The following ERC2 variants were observed in gnomAD, a reference collection of about 807,000 sequenced individuals.
ERC2 encodes the protein ERC protein 2.
In ERC2, 42 loss-of-function variants were observed where a neutral mutation model predicts 114.8. The observed-to-expected ratio is 0.37, with a 90% CI of 0.29 to 0.47. ERC2 has a LOEUF of 0.47. Ranked by LOEUF, ERC2 falls within the 20% of genes least tolerant of loss-of-function variation. ERC2 has a pLI of 0.99. For missense variants in ERC2, 939 were observed against 1,150.7 expected (o/e 0.82, Z 2.66); for synonymous variants, 454 against 425.5 (o/e 1.07, Z -0.82).
rs144967380 is a variant in ERC2, at chr3:55,830,976, T to C, written c.2564+57413A>G. On this transcript the variant is annotated intron_variant, in intron 14 of 17. Transcript: ENST00000288221. ...ACTAAAATAAAACAAATAGATATAG[T>C]CAAAAGTCAATAGATAAATTAAAAT... 3.1e-4 allele frequency among the ~76,000 whole-genome samples: 47 copies of C among 151,220 alleles called. No homozygotes were observed. In the East Asian group the frequency reaches 7.4e-3, roughly 24 times the overall value.
chr3:56,104,154 T>C (rs2078517312), intron 6 of ERC2, among the ~76,000 whole-genome samples: 1 of 152,058 alleles, frequency 6.6e-6, no homozygotes, highest in Non-Finnish European at 1.5e-5. Context: ...GTCAACATCT[T>C]AGTTGTTTGT....
chr3:55,544,323 A>T (rs2054596825), intron 17 of ERC2, among the ~76,000 whole-genome samples: 1 of 152,122 alleles, frequency 6.6e-6, no homozygotes, highest in Non-Finnish European at 1.5e-5. Flanking sequence ...TGGCCCAGTG[A>T]TGGGCTACTG....
intron 2 of ERC2, among the ~76,000 whole-genome samples, chr3:56,311,818 AATGTGT>A (rs773859097): frequency 0.02 from 1,860 of 91,132 alleles, 17 homozygotes; most frequent in South Asian, 0.041. Context: ...TATACATATA[AATGTGT>A]GTGTGTGTGT....
intron 3 of ERC2, among the ~76,000 whole-genome samples, chr3:56,282,662 C>T (rs1057279439): frequency 6.7e-6 from 1 of 148,194 alleles, no homozygotes; most frequent in African/African-American, 2.5e-5. Flanking sequence ...GCTAGAAGAT[C>T]TTCCATCTAA....
intron 2 of ERC2, among the ~76,000 whole-genome samples, chr3:56,414,734 AAAAAG>A (rs1475404368): frequency 1.1e-4 from 17 of 151,776 alleles, no homozygotes; most frequent in Non-Finnish European, 1.9e-4. Flanking sequence ...CAAAAAAAAA[AAAAAG>A]AAAAGAAAAG....
rs200558529 is a variant in ERC2, at chr3:56,080,977, G to A, written c.1481C>T (p.Ala494Val). Residue 494 changes from alanine to valine, a missense_variant, in exon 7 of 18, where the codon GCG becomes GTG. Physicochemically the swap from Ala to Val is moderately conservative, Grantham distance 64. Around this residue, in one of 5 missense-constraint regions of ERC2, gnomAD observed 149 missense variants for 254.6 expected, o/e 0.59. Coordinates refer to ENST00000288221, the MANE Select transcript of ERC2 (RefSeq NM_015576.3). ...TTTTTCTTCCAGTCGTAATCTCAGC[G>A]CATCTACCTGAAATCAGGAAAAAGA... ...RAAILQTEVD[A>V]LRLRLEEKES... 7.4e-6 allele frequency: 12 copies of A among 1,611,266 alleles called. No homozygotes were observed. Among genetic ancestry groups the A allele is most frequent in the Admixed American group, 3.4e-5 (2 of 59,528 alleles).
At chr3:56,365,407 G>A (rs2059112407) in intron 2 of ERC2, among the ~76,000 whole-genome samples, 1 of 152,188 alleles carries the variant, frequency 6.6e-6, no homozygotes, top group Non-Finnish European at 1.5e-5. Flanking sequence ...TGTGTAGAAG[G>A]CTCTACCAAC....
intron 13 of ERC2, among the ~76,000 whole-genome samples, chr3:55,923,151 GAATA>G (rs1427461806): frequency 6.6e-6 from 1 of 152,014 alleles, no homozygotes; most frequent in African/African-American, 2.4e-5. Context: ...GAAGATGAAT[GAATA>G]AACAAAATGT....
At chr3:56,247,207 A>T (rs1211765455) in intron 3 of ERC2, among the ~76,000 whole-genome samples, 1 of 152,228 alleles carries the variant, frequency 6.6e-6, no homozygotes, top group Non-Finnish European at 1.5e-5. Flanking sequence ...CACAGCAAAC[A>T]TTAATTTCAA....
At chr3:56,417,763 C>T (rs1336321114) in intron 2 of ERC2, among the ~76,000 whole-genome samples, 1 of 152,178 alleles carries the variant, frequency 6.6e-6, no homozygotes, top group African/African-American at 2.4e-5. Flanking sequence ...GAGGCAGGCT[C>T]CACTAACACC....
intron 17 of ERC2, among the ~76,000 whole-genome samples, chr3:55,641,745 T>A (rs1344683618): frequency 6.6e-6 from 1 of 152,040 alleles, no homozygotes; most frequent in Non-Finnish European, 1.5e-5. Context: ...ACTGTTTTGG[T>A]TATCATGAAT....
At chr3:55,999,699 G>C (rs114028703) in intron 10 of ERC2, among the ~76,000 whole-genome samples, 9 of 151,430 alleles carry the variant, frequency 5.9e-5, no homozygotes, top group African/African-American at 1.9e-4. Flanking sequence ...AAATATCATG[G>C]GAAAATATTA....
At chr3:55,885,266 A>G (rs115984944) in intron 14 of ERC2, among the ~76,000 whole-genome samples, 1,694 of 152,328 alleles carry the variant, frequency 0.011, 32 homozygotes, top group African/African-American at 0.039. Flanking sequence ...TGTGGACTCA[A>G]TCAAAGTCAA....
chr3:56,441,909 T>C (rs1250534632), intron 1 of ERC2, among the ~76,000 whole-genome samples: 1 of 152,238 alleles, frequency 6.6e-6, no homozygotes, highest in East Asian at 1.9e-4. Flanking sequence ...TACAGTGGCG[T>C]GTGCCTGTAG....
intron 1 of ERC2, among the ~76,000 whole-genome samples, chr3:56,463,972 T>C (rs1429342214): frequency 6.6e-6 from 1 of 152,242 alleles, no homozygotes; most frequent in Non-Finnish European, 1.5e-5. Context: ...ATTTAAGTAA[T>C]TCATGTGTAT....
At chr3:55,729,795 G>A (rs533023382) in intron 15 of ERC2, among the ~76,000 whole-genome samples, 13 of 121,506 alleles carry the variant, frequency 1.1e-4, no homozygotes, top group South Asian at 2.9e-4. Context: ...CTATGATCGC[G>A]CCACTGCAGT....
At chr3:55,991,775 T>C (rs1027656810) in intron 11 of ERC2, among the ~76,000 whole-genome samples, 1 of 152,180 alleles carries the variant, frequency 6.6e-6, no homozygotes, top group Non-Finnish European at 1.5e-5. Flanking sequence ...CCCAATTTCT[T>C]ACACACTTCG....
intron 17 of ERC2, among the ~76,000 whole-genome samples, chr3:55,545,848 C>T (rs563471819): frequency 7.2e-5 from 11 of 152,270 alleles, no homozygotes; most frequent in East Asian, 1.9e-4. Context: ...GCTGGACAGC[C>T]GGCAGCCTCT....
chr3:56,024,397 C>T lies in ERC2; in HGVS notation c.1642-5366G>A, dbSNP rs140889729. Among the ~76,000 whole-genome samples, 50 of 152,266 alleles carry T rather than the reference C, an allele frequency of 3.3e-4. No homozygotes were observed. The East Asian group carries it at 4.2e-3, about 13-fold the overall frequency. ...ACTACATATTAACTTACTGAATAAA[C>T]GAAAGAAGTGAGAAAGGAAGGAACC... On this transcript the variant is annotated intron_variant, in intron 7 of 17. Transcript: ENST00000288221.
Sources: gnomAD v4.1 joint callset for allele counts (sites outside exome capture counted in the v4.1 genomes callset) on GRCh38, gnomAD v4.1.1 for gene constraint, gnomAD v4.1.1 regional missense constraint, MANE v1.5 for transcripts, NCBI Gene and HGNC (gene_info 2026-07-23, HGNC 2026-07-21) for gene names.